The following EHBP1 variants were observed in gnomAD, a reference collection of about 807,000 sequenced individuals.
EHBP1 encodes the protein EH domain-binding protein 1.
In EHBP1, 55 loss-of-function variants were observed where a neutral mutation model predicts 144.0. That is an observed-to-expected ratio of 0.38 (90% CI 0.31 to 0.48). The LOEUF (loss-of-function observed/expected upper bound fraction) is 0.48. Ranked by LOEUF, EHBP1 falls within the 20% of genes least tolerant of loss-of-function variation. The pLI is 0.98. For synonymous variants in EHBP1, 469 were observed against 472.7 expected (o/e 0.99, Z 0.10); for missense variants, 1,200 against 1,364.2 (o/e 0.88, Z 1.90).
intron 10 of EHBP1, among the ~76,000 whole-genome samples, chr2:62,935,800 G>A (rs992766835): frequency 2.0e-5 from 3 of 152,104 alleles, no homozygotes; most frequent in Non-Finnish European, 2.9e-5. Flanking sequence ...TTTAGCAAGT[G>A]AAAGAAGATT....
chr2:62,881,782 G>T (rs553780641), intron 10 of EHBP1: 2 of 152,230 alleles, frequency 1.3e-5, no homozygotes, highest in African/African-American at 4.8e-5. Context: ...AAATAATATG[G>T]TGTCTTCTGT....
At chr2:62,874,227 C>CA (rs1175300630) in intron 9 of EHBP1, 119 bp from the exon 10 acceptor site, 1 of 647,644 alleles carries the variant, frequency 1.5e-6, no homozygotes, top group African/African-American at 1.9e-5. Flanking sequence ...TCCAGGTTAT[C>CA]ACTGGTTTGG....
At chr2:62,989,930 T>C (rs2059347513) in intron 15 of EHBP1, among the ~76,000 whole-genome samples, 2 of 152,166 alleles carry the variant, frequency 1.3e-5, no homozygotes, top group Admixed American at 1.3e-4. Flanking sequence ...ATGAAAGTAA[T>C]GACAATAGCA....
At chr2:62,922,902 A>C (rs974886576) in intron 10 of EHBP1, among the ~76,000 whole-genome samples, 4 of 152,190 alleles carry the variant, frequency 2.6e-5, no homozygotes, top group African/African-American at 9.7e-5. Context: ...GCCACTGCAA[A>C]CACCTTACAA....
chr2:62,988,322 C>T (rs2059281388), intron 15 of EHBP1, among the ~76,000 whole-genome samples: 1 of 152,038 alleles, frequency 6.6e-6, no homozygotes, highest in Non-Finnish European at 1.5e-5. Flanking sequence ...TGTAGGTTTT[C>T]AATAGCTGGT....
chr2:62,912,493 A>G (rs2152981305), intron 10 of EHBP1, among the ~76,000 whole-genome samples: 1 of 152,308 alleles, frequency 6.6e-6, no homozygotes, highest in African/African-American at 2.4e-5. Flanking sequence ...CAGAAGTTGC[A>G]GTGAGCCAAA....
At chr2:62,982,063 C>T (rs1467969897) in intron 15 of EHBP1, among the ~76,000 whole-genome samples, 2 of 152,084 alleles carry the variant, frequency 1.3e-5, no homozygotes, top group African/African-American at 2.4e-5. Context: ...TAAAGGGATA[C>T]GGAATAGACT....
intron 1 of EHBP1, among the ~76,000 whole-genome samples, chr2:62,690,361 A>G (rs1452810555): frequency 6.6e-6 from 1 of 152,166 alleles, no homozygotes; most frequent in East Asian, 1.9e-4. Flanking sequence ...CAGGAGTTCA[A>G]GATGGACCTG....
chr2:62,726,405 T>C (rs569737182), intron 2 of EHBP1, among the ~76,000 whole-genome samples: 25 of 152,296 alleles, frequency 1.6e-4, no homozygotes, highest in African/African-American at 6.0e-4. Flanking sequence ...CCGTGCTGGG[T>C]TTCCAGCTTC....
At chr2:63,026,376 A>G (rs2153319167) in intron 19 of EHBP1, among the ~76,000 whole-genome samples, 1 of 151,882 alleles carries the variant, frequency 6.6e-6, no homozygotes, top group South Asian at 2.1e-4. Flanking sequence ...AGAAAGAAAG[A>G]AACAATAATA....
intron 5 of EHBP1, among the ~76,000 whole-genome samples, chr2:62,825,383 T>C (rs2046273728): frequency 6.6e-6 from 1 of 152,088 alleles, no homozygotes; most frequent in African/African-American, 2.4e-5. Flanking sequence ...TAGGTTTCAT[T>C]TTGTGTTCTA....
chr2:62,947,314 G>A (rs2057124549), intron 12 of EHBP1, among the ~76,000 whole-genome samples: 2 of 152,112 alleles, frequency 1.3e-5, no homozygotes, highest in South Asian at 2.1e-4. Context: ...TTCAAACATA[G>A]CAATGTACTT....
At chr2:62,973,357 ACTTTT>A (rs2058577462) in intron 14 of EHBP1, among the ~76,000 whole-genome samples, 1 of 152,166 alleles carries the variant, frequency 6.6e-6, no homozygotes, top group Non-Finnish European at 1.5e-5. Flanking sequence ...AGTACTCTTA[ACTTTT>A]CTTAAGTTTG....
chr2:62,820,650 T>C (rs1379949153), intron 5 of EHBP1, among the ~76,000 whole-genome samples: 1 of 149,524 alleles, frequency 6.7e-6, no homozygotes, highest in Non-Finnish European at 1.5e-5. Flanking sequence ...GTCATCAAGG[T>C]TCATCTATAT....
chr2:63,025,548 G>C (rs2060939204), intron 19 of EHBP1, among the ~76,000 whole-genome samples: 1 of 152,192 alleles, frequency 6.6e-6, no homozygotes, highest in Non-Finnish European at 1.5e-5. Flanking sequence ...TAGGCGTGAG[G>C]CTCTGGCCCT....
At chr2:62,862,564 G>A (rs934886766) in intron 8 of EHBP1, among the ~76,000 whole-genome samples, 1 of 152,124 alleles carries the variant, frequency 6.6e-6, no homozygotes, top group Admixed American at 6.5e-5. Context: ...GTTGCAGTGA[G>A]CCGAGATTGC....
In EHBP1 at chr2:62,844,280, A is replaced by G. The variant is rs534542246; in HGVS notation, c.634+13122A>G. On this transcript the variant is annotated intron_variant, in intron 7 of 22. Transcript: ENST00000431489. ...GTACTTGCACTGATCAAAAATCCCT[A>G]CACTGTTCTGAGACAGACTCCCCTG... 7.9e-5 allele frequency among the ~76,000 whole-genome samples: 12 copies of G among 152,280 alleles called. 1 individual carries two copies. In the East Asian group the frequency reaches 2.1e-3, roughly 27 times the overall value.
chr2:62,717,873 A>T (rs1261549445), intron 2 of EHBP1, among the ~76,000 whole-genome samples: 1 of 152,190 alleles, frequency 6.6e-6, no homozygotes, highest in African/African-American at 2.4e-5. Flanking sequence ...ACAGGAGCAG[A>T]GAGAGCACGT....
chr2:62,861,162 C>T (rs1293861905), intron 8 of EHBP1, among the ~76,000 whole-genome samples: 1 of 137,786 alleles, frequency 7.3e-6, no homozygotes, highest in Non-Finnish European at 1.5e-5. Context: ...CAGAGTCTCG[C>T]CCTGTCGCCC....
Sources: gnomAD v4.1 joint callset for allele counts (sites outside exome capture counted in the v4.1 genomes callset) on GRCh38, gnomAD v4.1.1 for gene constraint, MANE v1.5 for transcripts, NCBI Gene and HGNC (gene_info 2026-07-23, HGNC 2026-07-21) for gene names.